Variants in GALNT15 observed in about 807,000 individuals in gnomAD.
GALNT15 encodes the protein polypeptide N-acetylgalactosaminyltransferase 15.
A neutral mutation model predicts 66.8 loss-of-function variants in GALNT15; 67 were observed. The observed-to-expected ratio is 1.00, with a 90% CI of 0.82 to 1.23. The LOEUF is 1.23. Ranked by LOEUF, GALNT15 falls within the 50% of genes most tolerant of loss-of-function variation. The pLI, the probability that GALNT15 is intolerant of heterozygous loss-of-function variation, is 0.00. For missense variants in GALNT15, 827 were observed against 804.3 expected, an observed-to-expected ratio of 1.03 and a Z score of -0.34; for synonymous variants, 313 against 311.5, an observed-to-expected ratio of 1.00 and a Z score of -0.05.
At position 16,187,952 on chromosome 3, in the gene GALNT15, C is replaced by A. The variant is rs2063534208; in HGVS notation, c.540-7808C>A. Among the ~76,000 whole-genome samples the A allele has an allele frequency of 1.3e-5, 2 of 152,296 alleles. No individual in the cohort carries two copies. The highest frequency in any genetic ancestry group is 4.1e-4 in the South Asian group (2 of 4,820). On this transcript the variant is annotated intron_variant, in intron 1 of 9. Transcript: ENST00000339732. This position sits in a 1 kb window ranked among gnomAD's most constrained non-coding sequence, Gnocchi z 5.1. ...ATCATAGACTCAAAGGTGGAAGGATCTTTAGATATTACACAGTGAATCCCT... is the reference window on the plus strand; with the variant it reads ...ATCATAGACTCAAAGGTGGAAGGATATTTAGATATTACACAGTGAATCCCT...
In GALNT15 at chr3:16,174,710, T is replaced by G; in HGVS notation, c.-442T>G. 1 of 182,672 alleles carries G rather than the reference T, an allele frequency of 5.5e-6. No individual in the cohort carries two copies. Among genetic ancestry groups the G allele is most frequent in the East Asian group, 1.3e-4 (1 of 7,584 alleles). 11.3% of individuals were successfully genotyped at this position (182,672 alleles called of 1,614,324 possible). ...TGTTGATCTGACCTGACTGGAAGCG[T>G]CCAAAGAGGGACGGCTGTCAGCCCT... On this transcript the variant is annotated 5_prime_UTR_variant, in exon 1 of 10. Transcript: ENST00000339732. The surrounding 1 kb of genome is among the most constrained non-coding windows in gnomAD (Gnocchi z 4.7).
the GALNT15 span, among the ~76,000 whole-genome samples, chr3:16,241,301 T>C: frequency 1.3e-5 from 2 of 152,204 alleles, no homozygotes; most frequent in African/African-American, 4.8e-5. This position sits in a 1 kb window ranked among gnomAD's most constrained non-coding sequence, Gnocchi z 4.6. Flanking sequence ...TCACAGCATC[T>C]TTCTTTTGTG....
rs1042129728 is a variant in GALNT15, at chr3:16,212,652, C to A, written c.1281C>A (p.Pro427=). The part of the protein sequence containing the change: ...HIYQNQDSHS[P]LDQEATLRNR... ...ACCAAAATCAGGATTCCCATTCCCCCCTCGACCAGGAGGCCACCCTGAGGA... is the reference window on the plus strand; with the variant it reads ...ACCAAAATCAGGATTCCCATTCCCCACTCGACCAGGAGGCCACCCTGAGGA... Residue 427 remains proline (P), a synonymous_variant, in exon 6 of 10, where the codon CCC becomes CCA. Transcript: ENST00000339732. The A allele has an allele frequency of 1.9e-6, 3 of 1,614,100 alleles. No individual in the cohort carries two copies. Among genetic ancestry groups the A allele is most frequent in the Non-Finnish European group, 2.5e-6 (3 of 1,180,024 alleles).
chr3:16,221,142 C>A (rs771085234), intron 8 of GALNT15, among the ~76,000 whole-genome samples: 1 of 151,048 alleles, frequency 6.6e-6, no homozygotes, highest in Non-Finnish European at 1.5e-5. Context: ...AAGAATAATG[C>A]AGCCTCTACA....
At chr3:16,243,842 TCA>T in the GALNT15 span, among the ~76,000 whole-genome samples, 2 of 152,230 alleles carry the variant, frequency 1.3e-5, no homozygotes, top group Non-Finnish European at 2.9e-5. Flanking sequence ...TTGGTCATTT[TCA>T]CAGTGTGCTG....
chr3:16,248,083 T>C, the GALNT15 span, among the ~76,000 whole-genome samples: 1 of 152,214 alleles, frequency 6.6e-6, no homozygotes, highest in Admixed American at 6.5e-5. This position sits in a 1 kb window ranked among gnomAD's most constrained non-coding sequence, Gnocchi z 4.9. Context: ...TCCTGCAGTT[T>C]ACTGACAATG....
intron 6 of GALNT15, among the ~76,000 whole-genome samples, chr3:16,217,033 G>A (rs932284207): frequency 1.7e-4 from 26 of 152,128 alleles, no homozygotes; most frequent in Admixed American, 1.4e-3. Flanking sequence ...TGGGGGGGTC[G>A]GGGAAAATCC....
At chr3:16,196,238 A>T (rs753029068) in intron 2 of GALNT15, among the ~76,000 whole-genome samples, 1 of 151,966 alleles carries the variant, frequency 6.6e-6, no homozygotes, top group Non-Finnish European at 1.5e-5. Flanking sequence ...CAGTCCAACA[A>T]TCCTCTCTCC....
rs1408726848 is a variant in GALNT15 at position 16,189,041 on chromosome 3, A to T, written c.540-6719A>T. Among the ~76,000 whole-genome samples, 1 of 152,070 alleles carries T rather than the reference A, an allele frequency of 6.6e-6. No individual in the cohort carries two copies. The highest frequency in any genetic ancestry group is 1.5e-5 in the Non-Finnish European group (1 of 68,012). Reference sequence around the variant, plus strand: ...TAAGGAGTTGGATGCTTTCTATTACAAGCTTTATCCTTCTGAAGGGAAGTC... The same window carrying T: ...TAAGGAGTTGGATGCTTTCTATTACTAGCTTTATCCTTCTGAAGGGAAGTC... On this transcript the variant is annotated intron_variant, in intron 1 of 9. Transcript: ENST00000339732. The surrounding 1 kb of genome is among the most constrained non-coding windows in gnomAD (Gnocchi z 5.1).
intron 1 of GALNT15, among the ~76,000 whole-genome samples, chr3:16,194,713 A>C (rs527771698): frequency 6.6e-6 from 1 of 152,244 alleles, no homozygotes; most frequent in East Asian, 1.9e-4. Context: ...CATTATCCTC[A>C]GCAAATGAAC....
chr3:16,205,596 A>G lies in GALNT15; in HGVS notation c.912-2907A>G, dbSNP rs922546282. On this transcript the variant is annotated intron_variant, in intron 3 of 9. Coordinates refer to ENST00000339732, the MANE Select transcript of GALNT15 (RefSeq NM_054110.5). ...AAGCAGACACTTCCAGCTCCTTCCA[A>G]GTCAAACGAGGTCAGCTCGCTATTT... 3.3e-5 allele frequency among the ~76,000 whole-genome samples: 5 copies of G among 152,272 alleles called. No homozygotes were observed. In the East Asian group the frequency reaches 9.6e-4, roughly 29 times the overall value.
Position 16,211,169 on chromosome 3 carries a change from C to G in GALNT15, c.1125C>G (p.Tyr375Ter). Residue 375 changes from tyrosine to a stop codon, truncating the protein, a stop_gained, in exon 5 of 10, where the codon TAC becomes TAG. Coordinates refer to ENST00000339732, the MANE Select transcript of GALNT15 (RefSeq NM_054110.5). LOFTEE classifies it high-confidence loss of function. This position sits in a 1 kb window ranked among gnomAD's most constrained non-coding sequence, Gnocchi z 4.3. ...PGEVVAMDRH[Y>*]FQNTGAYDSL... ...AGGTGGTGGCCATGGACAGACATTA[C>G]TTCCAAAACACTGGAGCGTATGACT... 1 of 1,614,104 alleles carries G rather than the reference C, an allele frequency of 6.2e-7. No homozygotes were observed. Among genetic ancestry groups the G allele is most frequent in the Non-Finnish European group, 8.5e-7 (1 of 1,179,958 alleles).
At chr3:16,213,950 T>C (rs1347213384) in intron 6 of GALNT15, among the ~76,000 whole-genome samples, 1 of 152,206 alleles carries the variant, frequency 6.6e-6, no homozygotes, top group African/African-American at 2.4e-5. Context: ...CAGGGCTCCA[T>C]GAACTTCAAG....
At chr3:16,232,469 AATATATATATATATATATATAT>A (rs374444719), downstream of GALNT15, among the ~76,000 whole-genome samples, 5 of 38,742 alleles carry the variant, frequency 1.3e-4, no homozygotes, top group Admixed American at 2.9e-4. Flanking sequence ...TAAATAAATA[AATATATATATATATATATATAT>A]ATATATATAT....
chr3:16,194,212 T>C (rs1462604819), intron 1 of GALNT15, among the ~76,000 whole-genome samples: 3 of 152,216 alleles, frequency 2.0e-5, no homozygotes, highest in Non-Finnish European at 4.4e-5. Flanking sequence ...GGATTAATTA[T>C]CAGATGAATG....
chr3:16,217,838 C>T (rs141510514), intron 6 of GALNT15, among the ~76,000 whole-genome samples: 8 of 152,212 alleles, frequency 5.3e-5, no homozygotes, highest in South Asian at 4.1e-4. Flanking sequence ...GAAAGGTCTA[C>T]GGAGGTCTCA....
rs2124883484 is a variant in GALNT15, at chr3:16,209,073, G to A, written c.1079+403G>A. ...TGTGAATTCCTCAGGTCTCGTCTTA[G>A]CAAATAGGAAGAATTCAACCAGGTG... On this transcript the variant is annotated intron_variant, in intron 4 of 9. Coordinates refer to ENST00000339732, the MANE Select transcript of GALNT15 (RefSeq NM_054110.5). The surrounding 1 kb of genome is among the most constrained non-coding windows in gnomAD (Gnocchi z 4.1). Among the ~76,000 whole-genome samples, 1 of 152,270 alleles carries A rather than the reference G, an allele frequency of 6.6e-6. No individual in the cohort carries two copies. Among genetic ancestry groups the A allele is most frequent in the East Asian group, 1.9e-4 (1 of 5,184 alleles).
chr3:16,201,170 CTTTTTCT>C (rs2063697150), intron 3 of GALNT15, among the ~76,000 whole-genome samples: 1 of 3,372 alleles, frequency 3.0e-4, no homozygotes, highest in South Asian at 0.025. Context: ...ATTTTTTTTT[CTTTTTCT>C]TTTTCTTTTT....
At chr3:16,232,469 A>AATTATATATATATAT (rs2064092112), downstream of GALNT15, among the ~76,000 whole-genome samples, 1 of 38,756 alleles carries the variant, frequency 2.6e-5, no homozygotes, top group Non-Finnish European at 5.4e-5. Flanking sequence ...TAAATAAATA[A>AATTATATATATATAT]ATATATATAT....
Sources: gnomAD v4.1 joint callset for allele counts (sites outside exome capture counted in the v4.1 genomes callset) on GRCh38, gnomAD v4.1.1 for gene constraint, Gnocchi (gnomAD v3.1) non-coding constraint, MANE v1.5 for transcripts, NCBI Gene and HGNC (gene_info 2026-07-23, HGNC 2026-07-21) for gene names.